The following RALGAPA1 variants were observed in gnomAD, a reference collection of about 807,000 sequenced individuals.
The protein encoded by RALGAPA1 is Ral GTPase activating protein catalytic subunit alpha 1.
A neutral mutation model predicts 269.6 loss-of-function variants in RALGAPA1; 52 were observed. The observed-to-expected ratio is 0.19, with a 90% CI of 0.15 to 0.24. The LOEUF (loss-of-function observed/expected upper bound fraction) is 0.24. RALGAPA1 is among the 10% of genes least tolerant of loss of function. The probability of loss-of-function intolerance (pLI) is 1.00; values close to 1 mark genes in which losing one functional copy is unlikely to be tolerated. For synonymous variants in RALGAPA1, 817 were observed against 1,008.3 expected, an observed-to-expected ratio of 0.81 and a Z score of 3.60; for missense variants, 1,917 against 3,013.9, an observed-to-expected ratio of 0.64 and a Z score of 8.52.
At chr14:35,647,539 A>G (rs1305010872) in intron 31 of RALGAPA1, among the ~76,000 whole-genome samples, 3 of 152,228 alleles carry the variant, frequency 2.0e-5, no homozygotes, top group Non-Finnish European at 4.4e-5. Context: ...TTCTAATAAA[A>G]GATAATAAAA....
At chr14:35,566,433 TG>T (rs2056711758) in intron 39 of RALGAPA1, among the ~76,000 whole-genome samples, 1 of 150,314 alleles carries the variant, frequency 6.7e-6, no homozygotes. Context: ...GGAATCTTAG[TG>T]AGTACTTTTA....
chr14:35,615,991 T>C (rs2060226793), intron 35 of RALGAPA1, among the ~76,000 whole-genome samples: 1 of 152,106 alleles, frequency 6.6e-6, no homozygotes, highest in Admixed American at 6.5e-5. Flanking sequence ...ACAGAGTACT[T>C]AGACAGTTGT....
chr14:35,774,731 A>T (rs1225090659), intron 3 of RALGAPA1, among the ~76,000 whole-genome samples: 1 of 152,198 alleles, frequency 6.6e-6, no homozygotes, highest in East Asian at 1.9e-4. Flanking sequence ...TCGACAAATT[A>T]AAATCTTCAT....
chr14:35,602,367 A>G (rs141618159), intron 36 of RALGAPA1, among the ~76,000 whole-genome samples: 1 of 152,276 alleles, frequency 6.6e-6, no homozygotes, highest in Non-Finnish European at 1.5e-5. Flanking sequence ...GCAACTCAAC[A>G]TTTAACTGTT....
At chr14:35,635,248 T>C (rs1009208172) in intron 32 of RALGAPA1, among the ~76,000 whole-genome samples, 2 of 152,144 alleles carry the variant, frequency 1.3e-5, no homozygotes, top group Admixed American at 1.3e-4. Context: ...TATACTCATA[T>C]GTAACAATGA....
At chr14:35,791,398 G>A (rs2076157707) in intron 1 of RALGAPA1, among the ~76,000 whole-genome samples, 1 of 152,142 alleles carries the variant, frequency 6.6e-6, no homozygotes, top group African/African-American at 2.4e-5. Flanking sequence ...TAATTCAGAA[G>A]TTCGAGACCA....
At chr14:35,662,432 C>A (rs972843683) in intron 27 of RALGAPA1, among the ~76,000 whole-genome samples, 1 of 152,184 alleles carries the variant, frequency 6.6e-6, no homozygotes, top group Non-Finnish European at 1.5e-5. Context: ...TGGTGTGTAA[C>A]TTCCCCTTTA....
At chr14:35,571,936 G>A (rs377678082) in intron 38 of RALGAPA1, among the ~76,000 whole-genome samples, 3 of 152,208 alleles carry the variant, frequency 2.0e-5, no homozygotes, top group East Asian at 1.9e-4. Context: ...TTAATCAATT[G>A]TCAAATGTAG....
chr14:35,809,005 C>A lies in RALGAPA1; in HGVS notation c.-170G>T. Reference sequence around the variant, plus strand: ...TCCTTCCCGATCCAGGCCAGGGCCGCCACCTCCACCCGCCTCGCGCCGCGG... The same window carrying A: ...TCCTTCCCGATCCAGGCCAGGGCCGACACCTCCACCCGCCTCGCGCCGCGG... On this transcript the variant is annotated 5_prime_UTR_variant, in exon 1 of 42. Coordinates refer to ENST00000680220, the MANE Select transcript of RALGAPA1 (RefSeq NM_001346249.2). The A allele has an allele frequency of 1.5e-6, 2 of 1,297,870 alleles. No individual in the cohort carries two copies. Among genetic ancestry groups the A allele is most frequent in the South Asian group, 1.6e-5 (1 of 63,290 alleles). The allele number at this position is 1,297,870 out of a possible 1,614,324, so 80.4% of individuals were successfully genotyped here.
intron 22 of RALGAPA1, among the ~76,000 whole-genome samples, chr14:35,675,444 G>A (rs148295771): frequency 0.011 from 1,638 of 152,172 alleles, 32 homozygotes; most frequent in African/African-American, 0.038. Flanking sequence ...CCAAAGTGTC[G>A]GGATTACAGG....
At chr14:35,572,812 T>C in intron 37 of RALGAPA1, 94 bp from the exon 38 acceptor site, 2 of 857,732 alleles carry the variant, frequency 2.3e-6, no homozygotes, top group Non-Finnish European at 3.3e-6. Flanking sequence ...AAAACGAAAT[T>C]AAAAAATTGT....
Position 35,650,957 on chromosome 14 carries a change from A to G in RALGAPA1, c.5676+848T>C, listed in dbSNP as rs1324889083. ...TTGCAAACGAGGAATTACATTTTTC[A>G]TGTGAACTTTAAACTAAATTTAGTG... On this transcript the variant is annotated intron_variant, in intron 31 of 41. Coordinates refer to ENST00000680220, the MANE Select transcript of RALGAPA1 (RefSeq NM_001346249.2). Among the ~76,000 whole-genome samples the G allele has an allele frequency of 2.1e-5, 3 of 142,172 alleles. No homozygotes were observed. The East Asian group carries it at 6.0e-4, about 28-fold the overall frequency. The allele number at this position is 142,172 out of a possible 152,430, so 93.3% of individuals were successfully genotyped here.
chr14:35,541,627 GA>G, intron 41 of RALGAPA1: 1 of 422,898 alleles, frequency 2.4e-6, no homozygotes, highest in South Asian at 1.7e-5. Context: ...CCCCTTTAGG[GA>G]AGCACTGCAG....
At chr14:35,581,468 G>A (rs984257557) in intron 37 of RALGAPA1, among the ~76,000 whole-genome samples, 1 of 152,098 alleles carries the variant, frequency 6.6e-6, no homozygotes, top group Non-Finnish European at 1.5e-5. Flanking sequence ...GTATCAGGAC[G>A]TATATGACCA....
chr14:35,718,515 C>T (rs967390578), intron 16 of RALGAPA1, among the ~76,000 whole-genome samples: 1 of 151,980 alleles, frequency 6.6e-6, no homozygotes, highest in African/African-American at 2.4e-5. Context: ...TAACCATGTA[C>T]GTTCATGAAA....
At position 35,689,900 on chromosome 14, in the gene RALGAPA1, C is replaced by T. The variant is rs576209385; in HGVS notation, c.2511G>A (p.Gln837=). Residue 837 remains glutamine, a synonymous_variant, in exon 18 of 42, where the codon CAG becomes CAA. Coordinates refer to ENST00000680220, the MANE Select transcript of RALGAPA1 (RefSeq NM_001346249.2). The part of the protein sequence containing the change: ...NEVFGALNEE[Q]PLPRSSSTSD... ...AAGTGCTGCTACTTCGAGGCAATGG[C>T]TGCTCCTCATTCAAAGCACCAAAAA... The T allele has an allele frequency of 2.2e-5, 35 of 1,605,018 alleles. No homozygotes were observed. The highest frequency in any genetic ancestry group is 1.9e-4 in the Middle Eastern group (1 of 5,338).
At chr14:35,614,928 T>C (rs1190444256) in intron 35 of RALGAPA1, among the ~76,000 whole-genome samples, 1 of 152,034 alleles carries the variant, frequency 6.6e-6, no homozygotes, top group African/African-American at 2.4e-5. Flanking sequence ...ATGTGCCATA[T>C]AGGAAAAAAA....
intron 1 of RALGAPA1, among the ~76,000 whole-genome samples, chr14:35,794,029 A>G (rs920224844): frequency 6.6e-6 from 1 of 152,232 alleles, no homozygotes; most frequent in African/African-American, 2.4e-5. Context: ...CTTCATAAAT[A>G]TATAAAGTAG....
At chr14:35,725,976 C>A (rs1350907777) in intron 13 of RALGAPA1, among the ~76,000 whole-genome samples, 1 of 152,166 alleles carries the variant, frequency 6.6e-6, no homozygotes, top group Non-Finnish European at 1.5e-5. Context: ...CATAAAACTA[C>A]CTTATTTACA....
Sources: allele counts gnomAD v4.1 joint callset (sites outside exome capture counted in the v4.1 genomes callset), GRCh38; gene constraint gnomAD v4.1.1; transcripts MANE v1.5; gene names NCBI Gene and HGNC (gene_info 2026-07-23, HGNC 2026-07-21).